CEP120: variants seen among roughly 807,000 people sequenced by gnomAD.
The protein encoded by CEP120 is centrosomal protein 120.
CEP120 carries 113 observed loss-of-function variants against 126.5 expected under a neutral mutation model. That is an observed-to-expected ratio of 0.89 (90% CI 0.77 to 1.04). The LOEUF (loss-of-function observed/expected upper bound fraction) is 1.04, where lower values mean the gene tolerates loss of function less well. Among genes scored for constraint, CEP120 ranks in the 50% least tolerant of loss-of-function variants. The pLI is 0.00. For missense variants in CEP120, 1,230 were observed against 1,155.7 expected (o/e 1.06, Z -0.93); for synonymous variants, 400 against 394.3 (o/e 1.01, Z -0.17).
intron 17 of CEP120, among the ~76,000 whole-genome samples, chr5:123,368,906 C>T (rs62376408): frequency 4.9e-4 from 74 of 151,952 alleles, no homozygotes; most frequent in Non-Finnish European, 9.1e-4. Flanking sequence ...CAATGTTACT[C>T]TTCTCAATTT....
At chr5:123,387,095 C>T (rs1263135598) in intron 9 of CEP120, among the ~76,000 whole-genome samples, 3 of 152,084 alleles carry the variant, frequency 2.0e-5, no homozygotes, top group African/African-American at 7.2e-5. Context: ...AAGAGAGTGA[C>T]ATAACAACAC....
At chr5:123,364,008 T>C (rs1251830920) in intron 18 of CEP120, among the ~76,000 whole-genome samples, 1 of 151,494 alleles carries the variant, frequency 6.6e-6, no homozygotes, top group African/African-American at 2.4e-5. Flanking sequence ...AAGAAAAAAA[T>C]ATAATAATTC....
In CEP120 at chr5:123,346,636, C is replaced by T. The variant is rs200774919; in HGVS notation, c.2844G>A (p.Leu948=). ...TCATCAAAGTATCCCTTTCTTCTATCAGGCGAGTCAAATAATCATCCAAAC... is the reference window on the plus strand; with the variant it reads ...TCATCAAAGTATCCCTTTCTTCTATTAGGCGAGTCAAATAATCATCCAAAC... ...EEGLDDYLTR[L]IEERDTLMRT... is the part of the protein sequence containing the mutation. The change falls in exon 20 of 20, where the codon CTG becomes CTA. Residue 948 remains leucine, a synonymous_variant. Coordinates refer to ENST00000306467, the MANE Select transcript of CEP120 (RefSeq NM_001375405.1). The T allele has an allele frequency of 4.3e-5, 70 of 1,613,990 alleles. No individual in the cohort carries two copies. In the East Asian group the frequency reaches 1.5e-3, roughly 34 times the overall value.
chr5:123,372,682 G>A lies in CEP120; in HGVS notation c.2449C>T (p.Gln817Ter), dbSNP rs1228099402. ...AAGGTGAGAAGATTTATTTCAGACTGTAGACGGATTTCTGGTTTGTTGTTT... is the reference window on the plus strand; with the variant it reads ...AAGGTGAGAAGATTTATTTCAGACTATAGACGGATTTCTGGTTTGTTGTTT... The part of the protein sequence containing the change: ...QQNNKPEIRL[Q>*]SEINLLTLEK... The change falls in exon 17 of 20, where the codon CAG becomes TAG. Residue 817 changes from glutamine (Q) to a stop codon, truncating the protein, a stop_gained. Transcript: ENST00000306467. LOFTEE classifies it high-confidence loss of function. The A allele has an allele frequency of 1.2e-6, 2 of 1,612,156 alleles. No homozygotes were observed. The highest frequency in any genetic ancestry group is 1.7e-6 in the Non-Finnish European group (2 of 1,178,962).
At chr5:123,383,526 T>TC (rs1486892899) in intron 11 of CEP120, among the ~76,000 whole-genome samples, 1 of 152,156 alleles carries the variant, frequency 6.6e-6, no homozygotes, top group African/African-American at 2.4e-5. Flanking sequence ...AAATGTGATT[T>TC]TTTTTTTACT....
chr5:123,402,446 G>C (rs1241809195), intron 4 of CEP120: 1 of 888,410 alleles, frequency 1.1e-6, no homozygotes, highest in Non-Finnish European at 1.6e-6. Context: ...TTGAGACAGA[G>C]TCTTGCTCTG....
At chr5:123,354,288 G>A (rs1327058814) in intron 18 of CEP120, among the ~76,000 whole-genome samples, 3 of 152,016 alleles carry the variant, frequency 2.0e-5, no homozygotes, top group African/African-American at 7.2e-5. Flanking sequence ...ACAATCTTCT[G>A]GAATGTGTTG....
chr5:123,368,119 G>T (rs1244896271), intron 17 of CEP120, among the ~76,000 whole-genome samples: 2 of 151,884 alleles, frequency 1.3e-5, no homozygotes, highest in African/African-American at 4.8e-5. Flanking sequence ...CTTTTAATAT[G>T]TTTAATGATT....
chr5:123,355,846 C>T (rs1320329697), intron 18 of CEP120, among the ~76,000 whole-genome samples: 1 of 150,286 alleles, frequency 6.7e-6, no homozygotes, highest in Non-Finnish European at 1.5e-5. Context: ...ACATGAAGTC[C>T]TTGCCCATGC....
chr5:123,393,136 A>C (rs1018929814), intron 6 of CEP120, among the ~76,000 whole-genome samples, 164 bp downstream of exon 6: 6 of 152,158 alleles, frequency 3.9e-5, no homozygotes, highest in African/African-American at 1.4e-4. Context: ...CAACAACTTC[A>C]TGACTCAGGA....
chr5:123,395,989 C>CA (rs1437505375), intron 5 of CEP120, among the ~76,000 whole-genome samples: 1 of 129,998 alleles, frequency 7.7e-6, no homozygotes, highest in Non-Finnish European at 1.6e-5. Context: ...GTCTCCATTC[C>CA]TTTTTTTTTT....
intron 16 of CEP120, among the ~76,000 whole-genome samples, chr5:123,375,011 C>T (rs937274945): frequency 2.6e-5 from 4 of 152,104 alleles, no homozygotes; most frequent in Non-Finnish European, 5.9e-5. Context: ...CTCTCACTGA[C>T]AGTGTAACTG....
At position 123,363,034 on chromosome 5, in the gene CEP120, G is replaced by A. The variant is rs1233020048; in HGVS notation, c.2580+1462C>T. On this transcript the variant is annotated intron_variant, in intron 18 of 19. Transcript: ENST00000306467. ...TTGCATTCCTACTGCTACTACTTAA[G>A]TTCCAGCCCTTATTACCAGAAATGA... Among the ~76,000 whole-genome samples, 4 of 151,502 alleles carry A rather than the reference G, an allele frequency of 2.6e-5. No individual in the cohort carries two copies. The East Asian group carries it at 7.8e-4, about 29-fold the overall frequency.
intron 17 of CEP120, among the ~76,000 whole-genome samples, chr5:123,371,652 T>C (rs974542642): frequency 6.6e-6 from 1 of 152,042 alleles, no homozygotes; most frequent in Admixed American, 6.6e-5. Flanking sequence ...AGAAGGGCTC[T>C]CTGATGGGAC....
chr5:123,359,735 A>T (rs1033226945), intron 18 of CEP120, among the ~76,000 whole-genome samples: 20 of 152,026 alleles, frequency 1.3e-4, no homozygotes, highest in Admixed American at 1.3e-3. Flanking sequence ...AGAACAAAAA[A>T]GCTTACCACT....
At position 123,416,009 on chromosome 5, in the gene CEP120, C is replaced by T. The variant is rs1298746018; in HGVS notation, c.321+1G>A. 2 of 1,597,912 alleles carry T rather than the reference C, an allele frequency of 1.3e-6. No homozygotes were observed. Among genetic ancestry groups the T allele is most frequent in the African/African-American group, 1.3e-5 (1 of 74,530 alleles). Reference sequence around the variant, plus strand: ...TTAGCAAAACATCAAAAGGGCAATACCTGCTTTGTTTCTTGAGCGGTTCTT... The same window carrying T: ...TTAGCAAAACATCAAAAGGGCAATATCTGCTTTGTTTCTTGAGCGGTTCTT... On this transcript the variant is annotated splice_donor_variant, in intron 3 of 19. Coordinates refer to ENST00000306467, the MANE Select transcript of CEP120 (RefSeq NM_001375405.1). LOFTEE classifies it high-confidence loss of function.
chr5:123,363,148 A>G (rs1472820044), intron 18 of CEP120, among the ~76,000 whole-genome samples: 2 of 151,500 alleles, frequency 1.3e-5, no homozygotes, highest in African/African-American at 4.8e-5. Flanking sequence ...TGTTCATTAT[A>G]TTTACATTTC....
At chr5:123,364,213 A>T (rs922623533) in intron 18 of CEP120, among the ~76,000 whole-genome samples, 1 of 151,592 alleles carries the variant, frequency 6.6e-6, no homozygotes, top group South Asian at 2.1e-4. Flanking sequence ...CTAAGAAAGA[A>T]AAGGGTGGTT....
At position 123,384,954 on chromosome 5, in the gene CEP120, T is replaced by A. The variant is rs147430819; in HGVS notation, c.1760A>T (p.Gln587Leu). 1.1e-4 allele frequency: 180 copies of A among 1,603,772 alleles called. No homozygotes were observed. Among genetic ancestry groups the A allele is most frequent in the Non-Finnish European group, 1.4e-4 (166 of 1,176,238 alleles). ...CCAATTCTGTGAAATGCATTACCCT[T>A]GTGCTGCTATAACAGGCACACTTTC... is the stretch of plus-strand genomic sequence containing the variant. Reference protein sequence around the residue: ...YSESVPVIAAQGSNNRIADLS... With the variant: ...YSESVPVIAALGSNNRIADLS... Residue 587 changes from glutamine (Q) to leucine (L), a missense_variant, in exon 11 of 20, where the codon CAA becomes CTA. Gln to Leu is a moderately radical substitution (Grantham distance 113, BLOSUM62 -2). Coordinates refer to ENST00000306467, the MANE Select transcript of CEP120 (RefSeq NM_001375405.1).
Sources: gnomAD v4.1 joint callset for allele counts (sites outside exome capture counted in the v4.1 genomes callset) on GRCh38, gnomAD v4.1.1 for gene constraint, MANE v1.5 for transcripts, NCBI Gene and HGNC (gene_info 2026-07-23, HGNC 2026-07-21) for gene names.